The following LUC7L2 variants were observed in gnomAD, a reference collection of about 807,000 sequenced individuals.
LUC7L2 encodes the protein putative RNA-binding protein Luc7-like 2.
LUC7L2 carries 25 observed loss-of-function variants against 52.8 expected under a neutral mutation model. That is an observed-to-expected ratio of 0.47 (90% CI 0.34 to 0.66). The LOEUF (loss-of-function observed/expected upper bound fraction) is 0.66, where lower values mean the gene tolerates loss of function less well. Among genes scored for constraint, LUC7L2 ranks in the 30% least tolerant of loss-of-function variants. The probability of loss-of-function intolerance (pLI) is 0.01; values close to 1 mark genes in which losing one functional copy is unlikely to be tolerated. For synonymous variants in LUC7L2, 144 were observed against 160.9 expected (o/e 0.89, Z 0.80); for missense variants, 328 against 497.8 (o/e 0.66, Z 3.25).
At chr7:139,398,726 G>A (rs1184564176) in intron 3 of LUC7L2, 29 bp downstream of exon 3, 1 of 1,592,258 alleles carries the variant, frequency 6.3e-7, no homozygotes, top group Non-Finnish European at 8.6e-7. Flanking sequence ...ATGGTTTGTT[G>A]TTATCTTTTG....
At chr7:139,404,638 T>C (rs1436432688) in intron 4 of LUC7L2, among the ~76,000 whole-genome samples, 2 of 152,212 alleles carry the variant, frequency 1.3e-5, no homozygotes, top group Non-Finnish European at 2.9e-5. Flanking sequence ...ACAGTAGGAA[T>C]GAACTAAGTT....
intron 1 of LUC7L2, among the ~76,000 whole-genome samples, chr7:139,354,852 T>A (rs1018987574): frequency 7.9e-6 from 1 of 126,564 alleles, no homozygotes; most frequent in African/African-American, 4.1e-5. Flanking sequence ...CAAAAATTCT[T>A]GCTGGACTTT....
chr7:139,341,445 C>T, intron 1 of LUC7L2: 1 of 1,613,608 alleles, frequency 6.2e-7, no homozygotes, highest in Non-Finnish European at 8.5e-7. Context: ...GTTGCGCTAC[C>T]TGAGCGCGGC....
intron 1 of LUC7L2, chr7:139,371,456 G>C (rs2131203196): frequency 6.5e-7 from 1 of 1,527,450 alleles, no homozygotes; most frequent in Non-Finnish European, 8.8e-7. Flanking sequence ...GAGCATCGGA[G>C]AGAATGGGTA....
chr7:139,417,515 C>T, intron 8 of LUC7L2, 23 bp from the exon 9 acceptor site: 2 of 1,600,446 alleles, frequency 1.2e-6, no homozygotes, highest in Non-Finnish European at 1.7e-6. Context: ...AAGGTAGAAA[C>T]AAAATCAAAT....
intron 1 of LUC7L2, among the ~76,000 whole-genome samples, chr7:139,364,042 C>T (rs1440722554): frequency 7.6e-6 from 1 of 131,478 alleles, no homozygotes; most frequent in Admixed American, 9.2e-5. Flanking sequence ...AGTGCAGTGG[C>T]ACGATCTCGG....
chr7:139,342,263 T>C (rs115433997), intron 1 of LUC7L2, among the ~76,000 whole-genome samples: 1 of 152,202 alleles, frequency 6.6e-6, no homozygotes, highest in African/African-American at 2.4e-5. Context: ...GTGCTCAAGG[T>C]GTAGACAACA....
chr7:139,373,111 A>G (rs1181266685), intron 1 of LUC7L2, among the ~76,000 whole-genome samples: 1 of 152,220 alleles, frequency 6.6e-6, no homozygotes, highest in Non-Finnish European at 1.5e-5. Context: ...GTGCTGTTTT[A>G]CCTAGTTTCT....
Position 139,407,342 on chromosome 7 carries a change from G to C in LUC7L2, c.679G>C (p.Glu227Gln), listed in dbSNP as rs10254524. The C allele has an allele frequency of 6.2e-7, 1 of 1,607,908 alleles. No homozygotes were observed. Among genetic ancestry groups the C allele is most frequent in the Non-Finnish European group, 8.5e-7 (1 of 1,177,044 alleles). The change falls in exon 6 of 10, where the codon GAA becomes CAA. Residue 227 changes from glutamate to glutamine, a missense_variant. Coordinates refer to ENST00000354926, the MANE Select transcript of LUC7L2 (RefSeq NM_016019.5). ...TATTGAAATAAGAGAGAAGCTTGAA[G>C]AATTAAAGGTACATTGGTAAAATAT... ...GFIEIREKLEELKRVVAEKQE... is the reference protein window; with the variant it reads ...GFIEIREKLEQLKRVVAEKQE...
At chr7:139,417,163 C>T (rs1795659041) in intron 8 of LUC7L2, 1 of 167,486 alleles carries the variant, frequency 6.0e-6, no homozygotes, top group African/African-American at 2.4e-5. Context: ...ACCTCAGCTT[C>T]CTGAGTAGCT....
chr7:139,402,405 A>G (rs1232443809), intron 4 of LUC7L2, among the ~76,000 whole-genome samples, 158 bp downstream of exon 4: 2 of 152,224 alleles, frequency 1.3e-5, no homozygotes, highest in Admixed American at 6.5e-5. Context: ...ATCTTATACA[A>G]TATAGTGCAA....
chr7:139,398,843 T>C (rs142773736), intron 3 of LUC7L2, 146 bp downstream of exon 3: 3 of 587,618 alleles, frequency 5.1e-6, no homozygotes, highest in Non-Finnish European at 8.2e-6. Flanking sequence ...TCATGTACTT[T>C]CTTGACAACT....
At chr7:139,403,393 G>A (rs747452478) in intron 4 of LUC7L2, among the ~76,000 whole-genome samples, 1 of 152,074 alleles carries the variant, frequency 6.6e-6, no homozygotes, top group Non-Finnish European at 1.5e-5. Context: ...AATGCAGAAT[G>A]GGAGAAAAAG....
chr7:139,412,958 T>A (rs774527340), intron 8 of LUC7L2: 1 of 154,474 alleles, frequency 6.5e-6, no homozygotes, highest in Non-Finnish European at 1.4e-5. Flanking sequence ...TAAGAGGTTG[T>A]AGCTGTTGAA....
chr7:139,359,706 G>A (rs1036173965), upstream of LUC7L2: 5 of 398,510 alleles, frequency 1.3e-5, no homozygotes, highest in Admixed American at 4.4e-5. Flanking sequence ...GGGCGGATCC[G>A]GCTTGCACAG....
At chr7:139,381,154 A>T (rs560403934) in intron 2 of LUC7L2, among the ~76,000 whole-genome samples, 1 of 150,536 alleles carries the variant, frequency 6.6e-6, no homozygotes, top group Admixed American at 6.6e-5. Flanking sequence ...ATGTCTCAAT[A>T]AAAAAAAACC....
chr7:139,356,624 A>G (rs1224600288), upstream of LUC7L2, among the ~76,000 whole-genome samples: 1 of 151,800 alleles, frequency 6.6e-6, no homozygotes, highest in Admixed American at 6.6e-5. Context: ...TTAAAAAAAA[A>G]AAAAAAGTCA....
chr7:139,371,281 A>G, intron 1 of LUC7L2: 1 of 651,410 alleles, frequency 1.5e-6, no homozygotes, highest in Non-Finnish European at 2.8e-6. Flanking sequence ...AATGCCTGAT[A>G]ATGTACAGTG....
At chr7:139,411,522 G>A (rs1011962268) in intron 7 of LUC7L2, among the ~76,000 whole-genome samples, 6 of 152,080 alleles carry the variant, frequency 3.9e-5, no homozygotes, top group African/African-American at 1.4e-4. Context: ...GAGAGGATAT[G>A]TAACTTACTT....
Sources: allele counts gnomAD v4.1 joint callset (sites outside exome capture counted in the v4.1 genomes callset), GRCh38; gene constraint gnomAD v4.1.1; transcripts MANE v1.5; gene names NCBI Gene and HGNC (gene_info 2026-07-23, HGNC 2026-07-21).